Variants in THADA observed in about 807,000 individuals in gnomAD.
THADA encodes THADA armadillo repeat containing.
In THADA, 213 loss-of-function variants were observed where a neutral mutation model predicts 219.8. The ratio of observed to expected loss-of-function variants is 0.97; its 90% CI spans 0.87 to 1.09. The LOEUF (loss-of-function observed/expected upper bound fraction) is 1.09. Ranked by LOEUF, THADA falls within the 50% of genes least tolerant of loss-of-function variation. The probability of loss-of-function intolerance (pLI) is 0.00; values close to 1 mark genes in which losing one functional copy is unlikely to be tolerated. For missense variants in THADA, 2,956 were observed against 2,311.3 expected, an observed-to-expected ratio of 1.28 and a Z score of -5.72; for synonymous variants, 1,018 against 828.9, an observed-to-expected ratio of 1.23 and a Z score of -3.92.
chr2:43,350,934 TGG>T (rs1448201956), intron 29 of THADA, among the ~76,000 whole-genome samples: 2 of 152,186 alleles, frequency 1.3e-5, no homozygotes, highest in African/African-American at 4.8e-5. Context: ...GATTCTAGTT[TGG>T]GGAGAGAATC....
intron 36 of THADA, among the ~76,000 whole-genome samples, chr2:43,237,397 A>ATTTT (rs70963388): frequency 4.5e-5 from 6 of 132,256 alleles, no homozygotes; most frequent in Non-Finnish European, 7.8e-5. Flanking sequence ...AACTCATTTG[A>ATTTT]TTTTTTTTTT....
intron 26 of THADA, among the ~76,000 whole-genome samples, chr2:43,467,434 TA>T: frequency 6.6e-6 from 1 of 152,280 alleles, no homozygotes; most frequent in South Asian, 2.1e-4. Flanking sequence ...ACATAGTATG[TA>T]AAAGCCCTTT....
intron 26 of THADA, among the ~76,000 whole-genome samples, chr2:43,436,503 C>G (rs1020525965): frequency 6.6e-6 from 1 of 152,138 alleles, no homozygotes. Flanking sequence ...TACTGAGAAG[C>G]CTATCAGAAA....
At chr2:43,516,285 G>A (rs1047123640) in intron 22 of THADA, among the ~76,000 whole-genome samples, 2 of 152,060 alleles carry the variant, frequency 1.3e-5, no homozygotes, top group Non-Finnish European at 2.9e-5. Flanking sequence ...ACACTCCAAT[G>A]GCTCCCCATT....
intron 30 of THADA, among the ~76,000 whole-genome samples, chr2:43,335,880 T>C (rs541064750): frequency 1.3e-5 from 2 of 150,968 alleles, no homozygotes; most frequent in Non-Finnish European, 2.9e-5. Context: ...AGGTGGATCA[T>C]GAGGTCAGGA....
intron 9 of THADA, 102 bp from the exon 10 acceptor site, chr2:43,577,344 G>A: frequency 9.7e-6 from 9 of 929,666 alleles, no homozygotes; most frequent in Admixed American, 2.8e-5. Context: ...AAAAATCCTA[G>A]GAAAAATGAC....
intron 36 of THADA, among the ~76,000 whole-genome samples, chr2:43,237,638 A>C (rs1668184851): frequency 6.6e-6 from 1 of 151,252 alleles, no homozygotes. Flanking sequence ...TGACCTCGTG[A>C]TCCACCCGCC....
rs576881167 is a variant in THADA at position 43,420,354 on chromosome 2, AC to A, written c.4058+7745del. Among the ~76,000 whole-genome samples, 256 of 152,336 alleles carry A rather than the reference AC, an allele frequency of 1.7e-3. 1 individual carries two copies. Among genetic ancestry groups the A allele is most frequent in the Middle Eastern group, 0.01 (3 of 294 alleles). On this transcript the variant is annotated intron_variant, in intron 28 of 37. Transcript: ENST00000405975. ...TTTAAGCATAAAGACATTTTTCTTT[AC>A]TTTGCATCTTACCCAAGACCTAACA... is the stretch of plus-strand genomic sequence containing the variant.
chr2:43,396,337 C>T (rs1029594235), intron 29 of THADA, among the ~76,000 whole-genome samples: 1 of 152,186 alleles, frequency 6.6e-6, no homozygotes, highest in African/African-American at 2.4e-5. Context: ...ATTTCCTAGA[C>T]AAGTCTGGTG....
chr2:43,420,424 CAATT>C (rs1411969759), intron 28 of THADA, among the ~76,000 whole-genome samples: 3 of 152,200 alleles, frequency 2.0e-5, no homozygotes, highest in Non-Finnish European at 2.9e-5. Context: ...CTTGGTTACT[CAATT>C]AACTGATTAG....
At chr2:43,262,563 T>G (rs1220730904) in intron 36 of THADA, among the ~76,000 whole-genome samples, 1 of 152,226 alleles carries the variant, frequency 6.6e-6, no homozygotes, top group Non-Finnish European at 1.5e-5. Context: ...TTCTGTCACA[T>G]GTAGACATCA....
At chr2:43,494,059 T>C (rs1687972086) in intron 25 of THADA, among the ~76,000 whole-genome samples, 1 of 152,216 alleles carries the variant, frequency 6.6e-6, no homozygotes, top group African/African-American at 2.4e-5. Flanking sequence ...ATCCAGCCAC[T>C]TTCAGACTCA....
chr2:43,454,231 C>T (rs1040877260), intron 26 of THADA, among the ~76,000 whole-genome samples: 11 of 152,222 alleles, frequency 7.2e-5, no homozygotes, highest in African/African-American at 2.2e-4. Context: ...TTAAAACAAA[C>T]AAGCAATATA....
intron 29 of THADA, among the ~76,000 whole-genome samples, chr2:43,380,558 G>A (rs922904296): frequency 2.6e-5 from 4 of 152,124 alleles, no homozygotes; most frequent in Non-Finnish European, 5.9e-5. Context: ...AGTTGCAGAA[G>A]GACAGAAACA....
chr2:43,352,324 G>A (rs1668365949), intron 29 of THADA, among the ~76,000 whole-genome samples: 1 of 152,122 alleles, frequency 6.6e-6, no homozygotes, highest in Non-Finnish European at 1.5e-5. Flanking sequence ...TTGGGAGGCC[G>A]AGGTAAGTGG....
intron 31 of THADA, among the ~76,000 whole-genome samples, chr2:43,312,717 G>GTTTT (rs1276809031): frequency 7.9e-6 from 1 of 126,348 alleles, no homozygotes; most frequent in Non-Finnish European, 1.7e-5. Context: ...AACAAAGCCT[G>GTTTT]TTTTTTTTTT....
At chr2:43,456,843 C>G (rs1478849199) in intron 26 of THADA, among the ~76,000 whole-genome samples, 1 of 152,046 alleles carries the variant, frequency 6.6e-6, no homozygotes, top group Non-Finnish European at 1.5e-5. Flanking sequence ...ACTCAAGATA[C>G]TAAGATACTA....
chr2:43,473,761 AC>A (rs1399044930), intron 26 of THADA, among the ~76,000 whole-genome samples: 8 of 152,170 alleles, frequency 5.3e-5, no homozygotes, highest in African/African-American at 1.7e-4. Flanking sequence ...GGCGCCTGCC[AC>A]CACACCCAGC....
intron 29 of THADA, among the ~76,000 whole-genome samples, chr2:43,357,653 A>G (rs775075403): frequency 5.9e-5 from 9 of 152,222 alleles, no homozygotes; most frequent in Non-Finnish European, 1.0e-4. Flanking sequence ...AGAGTAAGGG[A>G]TAGTCCTACA....
Sources: gnomAD v4.1 joint callset for allele counts (sites outside exome capture counted in the v4.1 genomes callset) on GRCh38, gnomAD v4.1.1 for gene constraint, MANE v1.5 for transcripts, NCBI Gene and HGNC (gene_info 2026-07-23, HGNC 2026-07-21) for gene names.